CCL26: variants seen among roughly 807,000 people sequenced by gnomAD.
CCL26 encodes the protein C-C motif chemokine ligand 26.
In CCL26, 10 loss-of-function variants were observed where a neutral mutation model predicts 10.7. The ratio of observed to expected loss-of-function variants is 0.93; its 90% CI spans 0.57 to 1.58. The LOEUF (loss-of-function observed/expected upper bound fraction) is 1.58, where lower values mean the gene tolerates loss of function less well. Ranked by LOEUF, CCL26 falls within the 40% of genes most tolerant of loss-of-function variation. The pLI is 0.00. For missense variants in CCL26, 116 were observed against 111.0 expected (o/e 1.05, Z -0.20); for synonymous variants, 43 against 41.4 (o/e 1.04, Z -0.15).
Position 75,772,186 on chromosome 7 carries a change from A to T in CCL26, c.-10T>A. The T allele has an allele frequency of 1.3e-6, 2 of 1,548,230 alleles. No individual in the cohort carries two copies. The highest frequency in any genetic ancestry group is 2.4e-5 in the East Asian group (1 of 40,914). ...AGGAGAGGCCCATCATGATGCTGCA[A>T]ATCAGGCCCTTCTCAGGTTTCTCCC... On this transcript the variant is annotated 5_prime_UTR_variant, in exon 1 of 3. In the 5' UTR this introduces an upstream ATG that the reference lacks. Coordinates refer to ENST00000005180, the MANE Select transcript of CCL26 (RefSeq NM_001371938.1).
chr7:75,771,083 C>CT (rs1348177836), intron 2 of CCL26, among the ~76,000 whole-genome samples: 2 of 151,658 alleles, frequency 1.3e-5, no homozygotes, highest in South Asian at 2.1e-4. Context: ...GTAATTCACT[C>CT]TTTTTTTTCT....
upstream of CCL26, among the ~76,000 whole-genome samples, chr7:75,791,510 C>T (rs1486598194): frequency 6.6e-6 from 1 of 152,000 alleles, no homozygotes; most frequent in Non-Finnish European, 1.5e-5. Flanking sequence ...CTGTGTGGAT[C>T]TCCCAGGAGC....
chr7:75,772,399 G>A (rs1474208974), upstream of CCL26: 4 of 550,064 alleles, frequency 7.3e-6, no homozygotes, highest in Non-Finnish European at 1.3e-5. Context: ...GCTCATGCCT[G>A]TGATCACAGC....
intron 1 of CCL26, among the ~76,000 whole-genome samples, chr7:75,784,074 G>A (rs1480687851): frequency 2.0e-5 from 3 of 152,190 alleles, no homozygotes; most frequent in Non-Finnish European, 4.4e-5. Context: ...GTATTTCTAA[G>A]TTGTAATTCC....
At chr7:75,773,389 A>G (rs1585009686), upstream of CCL26, among the ~76,000 whole-genome samples, 2 of 151,638 alleles carry the variant, frequency 1.3e-5, no homozygotes, top group Admixed American at 1.3e-4. Context: ...CCGCCATTGC[A>G]CTCCAGCCTG....
upstream of CCL26, among the ~76,000 whole-genome samples, chr7:75,774,762 A>C (rs1021783810): frequency 3.3e-5 from 5 of 151,986 alleles, no homozygotes; most frequent in Admixed American, 2.6e-4. Flanking sequence ...TTTTAATTAA[A>C]TAAAAATTAA....
At chr7:75,787,531 G>A (rs1289259131) in intron 1 of CCL26, among the ~76,000 whole-genome samples, 1 of 151,498 alleles carries the variant, frequency 6.6e-6, no homozygotes, top group African/African-American at 2.4e-5. Context: ...TGTAGTCCCA[G>A]CTACTCGGGA....
intron 1 of CCL26, among the ~76,000 whole-genome samples, chr7:75,781,930 T>G (rs1054305621): frequency 3.3e-5 from 5 of 152,148 alleles, no homozygotes; most frequent in Non-Finnish European, 5.9e-5. Flanking sequence ...CATGGACACG[T>G]GAGACATTTG....
At chr7:75,782,053 A>G (rs1303097600) in intron 1 of CCL26, among the ~76,000 whole-genome samples, 1 of 152,138 alleles carries the variant, frequency 6.6e-6, no homozygotes, top group Non-Finnish European at 1.5e-5. Context: ...AACCAGCCCA[A>G]GGAATATCTC....
intron 1 of CCL26, among the ~76,000 whole-genome samples, chr7:75,778,046 T>C (rs555710771): frequency 6.3e-4 from 96 of 152,276 alleles, no homozygotes; most frequent in African/African-American, 2.1e-3. Flanking sequence ...TTACCTTTGA[T>C]AGGTACCCAG....
intron 1 of CCL26, among the ~76,000 whole-genome samples, chr7:75,783,517 C>T (rs1321505471): frequency 6.6e-6 from 1 of 152,080 alleles, no homozygotes; most frequent in Non-Finnish European, 1.5e-5. Flanking sequence ...AAGAAACTAC[C>T]AGCCAGGCAC....
At position 75,769,804 on chromosome 7, in the gene CCL26, C is replaced by A; in HGVS notation, c.189-15G>T. On this transcript the variant is annotated splice_polypyrimidine_tract_variant and intron_variant, in intron 2 of 2. Transcript: ENST00000005180. ...TGGTAGTGAATCTGTGAAAAAGAGA[C>A]ACGGATAAGTCAATATTGAGACTCT... is the stretch of plus-strand genomic sequence containing the variant. 6.6e-7 allele frequency: 1 copy of A among 1,516,404 alleles called. No homozygotes were observed. The highest frequency in any genetic ancestry group is 9.2e-7 in the Non-Finnish European group (1 of 1,091,036). The allele number at this position is 1,516,404 out of a possible 1,614,324, so 93.9% of individuals were successfully genotyped here.
rs41375750 is a variant in CCL26 at position 75,769,667 on chromosome 7, C to A, written c.*26G>T. On this transcript the variant is annotated 3_prime_UTR_variant, in exon 3 of 3. Transcript: ENST00000005180. ...TGCAGAGCCAAGAGCGGGGTCCAAG[C>A]GTCCTCGGATGAAAATTCAGCTGAG... is the stretch of plus-strand genomic sequence containing the variant. 8,247 of 1,482,120 alleles carry A rather than the reference C, an allele frequency of 5.6e-3. 25 individuals carry two copies. The highest frequency in any genetic ancestry group is 6.8e-3 in the Non-Finnish European group (7,214 of 1,059,874). 91.8% of individuals were successfully genotyped at this position (1,482,120 alleles called of 1,614,324 possible).
intron 1 of CCL26, among the ~76,000 whole-genome samples, chr7:75,785,415 A>G (rs1803162357): frequency 6.6e-6 from 1 of 152,006 alleles, no homozygotes; most frequent in Admixed American, 6.6e-5. Context: ...CCTCCTTTGA[A>G]TCTTCTCAAC....
intron 1 of CCL26, among the ~76,000 whole-genome samples, chr7:75,788,994 C>T (rs1803263194): frequency 1.3e-5 from 2 of 151,974 alleles, no homozygotes; most frequent in African/African-American, 2.4e-5. Flanking sequence ...TGTCATAGCT[C>T]ACTGCAGCCT....
At chr7:75,781,069 A>C (rs781973405) in intron 1 of CCL26, among the ~76,000 whole-genome samples, 1 of 152,224 alleles carries the variant, frequency 6.6e-6, no homozygotes, top group Non-Finnish European at 1.5e-5. Flanking sequence ...AGCCCAGTTC[A>C]TGGCCCATTT....
intron 1 of CCL26, among the ~76,000 whole-genome samples, chr7:75,789,069 G>A (rs373844811): frequency 2.3e-4 from 34 of 148,592 alleles, no homozygotes; most frequent in Non-Finnish European, 3.6e-4. Flanking sequence ...CTACAGGTGC[G>A]CACCACCGTG....
At chr7:75,776,068 C>CTTT (rs534170968), upstream of CCL26, among the ~76,000 whole-genome samples, 48 of 99,648 alleles carry the variant, frequency 4.8e-4, no homozygotes, top group Admixed American at 7.0e-4. Flanking sequence ...AGTTCACACT[C>CTTT]TTTTTTTTTT....
chr7:75,772,085 G>T lies in CCL26; in HGVS notation c.73+19C>A, dbSNP rs139053851. On this transcript the variant is annotated intron_variant, in intron 1 of 2. Coordinates refer to ENST00000005180, the MANE Select transcript of CCL26 (RefSeq NM_001371938.1). ...GGTCCGGGAAGGAACCCCAGGAGGG[G>T]AATGGGCCAGCTACGTACGTGTGGC... is the stretch of plus-strand genomic sequence containing the variant. 1 of 1,602,904 alleles carries T rather than the reference G, an allele frequency of 6.2e-7. No homozygotes were observed. Among genetic ancestry groups the T allele is most frequent in the African/African-American group, 1.3e-5 (1 of 74,630 alleles).
Sources: allele counts gnomAD v4.1 joint callset (sites outside exome capture counted in the v4.1 genomes callset), GRCh38; gene constraint gnomAD v4.1.1; transcripts MANE v1.5; gene names NCBI Gene and HGNC (gene_info 2026-07-23, HGNC 2026-07-21).